Variants in SPTA1 observed in about 807,000 individuals in gnomAD.
SPTA1 encodes spectrin alpha chain, erythrocytic 1.
A neutral mutation model predicts 324.7 loss-of-function variants in SPTA1; 177 were observed. The ratio of observed to expected loss-of-function variants is 0.55; its 90% CI spans 0.48 to 0.62. The LOEUF (loss-of-function observed/expected upper bound fraction) is 0.62. SPTA1 is among the 20% of genes least tolerant of loss of function. The pLI is 0.00. For missense variants in SPTA1, 3,162 were observed against 2,883.6 expected, an observed-to-expected ratio of 1.10 and a Z score of -2.21; for synonymous variants, 1,195 against 1,041.3, an observed-to-expected ratio of 1.15 and a Z score of -2.84.
chr1:158,642,641 A>C, intron 32 of SPTA1, 99 bp from the exon 33 acceptor site: 1 of 1,579,730 alleles, frequency 6.3e-7, no homozygotes, highest in South Asian at 1.1e-5. Context: ...TTTCTATCAT[A>C]ACTGAGGTGA....
rs200308788 is a variant in SPTA1, at chr1:158,645,551, A to G, written c.3940T>C (p.Ser1314Pro). 1.9e-4 allele frequency: 308 copies of G among 1,614,028 alleles called. No individual in the cohort carries two copies. Among genetic ancestry groups the G allele is most frequent in the Non-Finnish European group, 2.4e-4 (286 of 1,179,930 alleles). ...GTTAAGTCTTCGGCCAGCTCCTGTG[A>G]TGATACCATGCCACCAATGCTACTG... The part of the protein sequence containing the change: ...WISSIGGMVS[S>P]QELAEDLTGI... Residue 1314 changes from serine (S) to proline (P), a missense_variant, in exon 28 of 52, where the codon TCA becomes CCA. Physicochemically the swap from Ser to Pro is moderately conservative, Grantham distance 74. Coordinates refer to ENST00000643759, the MANE Select transcript of SPTA1 (RefSeq NM_003126.4).
At position 158,651,450 on chromosome 1, in the gene SPTA1, G is replaced by A; in HGVS notation, c.3394C>T (p.Pro1132Ser). ...EFQKDLNTNEPRLRDINKVAD... is the reference protein window; with the variant it reads ...EFQKDLNTNESRLRDINKVAD... ...ACCTTGTTGATATCCCTTAGCCGAG[G>A]CTCATTGGTATTCAAATCCTGAATG... The change falls in exon 24 of 52, where the codon CCT becomes TCT. Residue 1132 changes from proline (P) to serine (S), a missense_variant. Transcript: ENST00000643759. The A allele has an allele frequency of 2.5e-6, 4 of 1,613,096 alleles. No homozygotes were observed. The highest frequency in any genetic ancestry group is 3.4e-6 in the Non-Finnish European group (4 of 1,179,214).
At chr1:158,620,508 A>G in intron 43 of SPTA1, 42 bp from the exon 44 acceptor site, 1 of 1,610,358 alleles carries the variant, frequency 6.2e-7, no homozygotes, top group Non-Finnish European at 8.5e-7. Flanking sequence ...TTCCTGATAA[A>G]GCCTCTCAGC....
chr1:158,646,208 A>G (rs1323933488), intron 27 of SPTA1, among the ~76,000 whole-genome samples: 1 of 152,176 alleles, frequency 6.6e-6, no homozygotes, highest in Non-Finnish European at 1.5e-5. Flanking sequence ...GAGCAAAACT[A>G]AGGTCTATCT....
intron 49 of SPTA1, 71 bp downstream of exon 49, chr1:158,614,182 A>G: frequency 8.2e-7 from 1 of 1,225,468 alleles, no homozygotes; most frequent in South Asian, 1.2e-5. Context: ...GAGTGAGAGA[A>G]ACATTATTTG....
At chr1:158,654,814 G>C in intron 20 of SPTA1, 66 bp from the exon 21 acceptor site, 1 of 1,603,934 alleles carries the variant, frequency 6.2e-7, no homozygotes, top group Non-Finnish European at 8.5e-7. Flanking sequence ...AGCTTACCAG[G>C]GGTGAGTAGT....
Position 158,638,036 on chromosome 1 carries a change from A to C in SPTA1, c.5186T>G (p.Ile1729Arg). The C allele has an allele frequency of 6.2e-7, 1 of 1,613,486 alleles. No homozygotes were observed. The highest frequency in any genetic ancestry group is 2.2e-5 in the East Asian group (1 of 44,896). ...FQDLDDEESWIEEKLIRVSSQ... is the reference protein window; with the variant it reads ...FQDLDDEESWREEKLIRVSSQ... ...TTTTTGAGCTGGTGGCACATACTCTATCCAGGATTCCTCATCATCTAGATC... is the reference window on the plus strand; with the variant it reads ...TTTTTGAGCTGGTGGCACATACTCTCTCCAGGATTCCTCATCATCTAGATC... Residue 1729 changes from isoleucine to arginine, a missense_variant, in exon 36 of 52, where the codon ATA (isoleucine) becomes AGA (arginine). By Grantham distance (97) the Ile-to-Arg change is moderately conservative. Coordinates refer to ENST00000643759, the MANE Select transcript of SPTA1 (RefSeq NM_003126.4).
In SPTA1 at chr1:158,644,124, G is replaced by A. The variant is rs1273516932; in HGVS notation, c.4338+129C>T. 15 of 1,254,370 alleles carry A rather than the reference G, an allele frequency of 1.2e-5. No homozygotes were observed. In the Admixed American group the frequency reaches 1.3e-4, roughly 11 times the overall value. 77.7% of individuals were successfully genotyped at this position (1,254,370 alleles called of 1,614,324 possible). ...TGCACTCCAGCCTGGGTGACAGAATGAGACTCCATCTCAAAAAAAAAAAAA... is the reference window on the plus strand; with the variant it reads ...TGCACTCCAGCCTGGGTGACAGAATAAGACTCCATCTCAAAAAAAAAAAAA... On this transcript the variant is annotated intron_variant, in intron 30 of 51. Transcript: ENST00000643759.
At chr1:158,637,562 A>G (rs1050870611) in intron 36 of SPTA1, among the ~76,000 whole-genome samples, 2 of 152,092 alleles carry the variant, frequency 1.3e-5, no homozygotes, top group Non-Finnish European at 2.9e-5. Flanking sequence ...TATACTGGAT[A>G]TAGAATGACA....
At chr1:158,653,496 C>G in intron 21 of SPTA1, 71 bp from the exon 22 acceptor site, 4 of 1,590,576 alleles carry the variant, frequency 2.5e-6, no homozygotes, top group East Asian at 2.2e-5. Context: ...GACTTCAACA[C>G]TAAGTCTCTT....
intron 35 of SPTA1, 151 bp from the exon 36 acceptor site, chr1:158,638,392 A>G (rs1651255960): frequency 2.5e-6 from 2 of 799,944 alleles, no homozygotes; most frequent in South Asian, 3.0e-5. Context: ...ATGTTAGCAT[A>G]TGTTCAGGTT....
intron 12 of SPTA1, 98 bp from the exon 13 acceptor site, chr1:158,669,884 G>A (rs1653888355): frequency 1.7e-6 from 2 of 1,196,932 alleles, no homozygotes; most frequent in Non-Finnish European, 1.2e-6. Flanking sequence ...GAACAGCAAT[G>A]TGGGAGGAGA....
At position 158,634,601 on chromosome 1, in the gene SPTA1, T is replaced by C. The variant is rs16830483; in HGVS notation, c.5507A>G (p.Asn1836Ser). ...QNAEEEEAWI[N>S]EKNALAVRGD... is the part of the protein sequence containing the mutation. ...TCGGACAGCCAAAGCATTCTTTTCA[T>C]TGATCCAAGCTTCCTCTTCCTCAGC... The change falls in exon 39 of 52, where the codon AAT becomes AGT. Residue 1836 changes from asparagine (N) to serine (S), a missense_variant. Physicochemically the swap from Asn to Ser is conservative, Grantham distance 46. Coordinates refer to ENST00000643759, the MANE Select transcript of SPTA1 (RefSeq NM_003126.4). The C allele has an allele frequency of 0.024, 38,022 of 1,614,126 alleles. 1,302 individuals are homozygous for C. The highest frequency in any genetic ancestry group is 0.15 in the African/African-American group (10,938 of 74,992).
chr1:158,667,458 C>T (rs1463472429), intron 15 of SPTA1, among the ~76,000 whole-genome samples: 1 of 152,104 alleles, frequency 6.6e-6, no homozygotes, highest in Non-Finnish European at 1.5e-5. Flanking sequence ...GTGACATCAA[C>T]AATCTTTTAA....
chr1:158,672,257 T>C (rs1654081028), intron 10 of SPTA1, 61 bp from the exon 11 acceptor site: 1 of 1,512,350 alleles, frequency 6.6e-7, no homozygotes, highest in Non-Finnish European at 9.0e-7. Flanking sequence ...TCTATATTTA[T>C]TGAGCATATA....
chr1:158,651,255 C>A, intron 24 of SPTA1, 112 bp downstream of exon 24: 2 of 780,614 alleles, frequency 2.6e-6, no homozygotes. Flanking sequence ...ACTGCTGTTA[C>A]CTTCTGCATG....
intron 1 of SPTA1, among the ~76,000 whole-genome samples, chr1:158,686,170 C>T (rs1296883645): frequency 6.6e-6 from 1 of 152,154 alleles, no homozygotes; most frequent in African/African-American, 2.4e-5. Context: ...AGTATAATTG[C>T]TACTCTGTGA....
intron 3 of SPTA1, among the ~76,000 whole-genome samples, chr1:158,682,584 T>C (rs995251783): frequency 6.6e-6 from 1 of 152,174 alleles, no homozygotes; most frequent in African/African-American, 2.4e-5. Context: ...CAGAATGGGC[T>C]AGAATTTTTA....
intron 15 of SPTA1, among the ~76,000 whole-genome samples, chr1:158,667,525 A>T (rs2101903395): frequency 6.6e-6 from 1 of 152,332 alleles, no homozygotes; most frequent in Middle Eastern, 3.4e-3. Flanking sequence ...GGTAAAACTC[A>T]TGGTTCAAAA....
Sources: gnomAD v4.1 joint callset for allele counts (sites outside exome capture counted in the v4.1 genomes callset) on GRCh38, gnomAD v4.1.1 for gene constraint, MANE v1.5 for transcripts, NCBI Gene and HGNC (gene_info 2026-07-23, HGNC 2026-07-21) for gene names.